TBCK: variants seen among roughly 807,000 people sequenced by gnomAD.
The protein encoded by TBCK is TBC domain-containing protein kinase-like protein.
TBCK carries 99 observed loss-of-function variants against 113.4 expected under a neutral mutation model. The observed-to-expected ratio is 0.87, with a 90% confidence interval of 0.74 to 1.03. The LOEUF (loss-of-function observed/expected upper bound fraction) is 1.03. Among genes scored for constraint, TBCK ranks in the 50% least tolerant of loss-of-function variants. TBCK has a pLI of 0.00. For missense variants in TBCK, 1,045 were observed against 1,061.3 expected (o/e 0.98, Z 0.21); for synonymous variants, 369 against 370.8 (o/e 1.00, Z 0.05).
At chr4:106,243,028 C>G (rs1412525810) in intron 11 of TBCK, among the ~76,000 whole-genome samples, 1 of 151,964 alleles carries the variant, frequency 6.6e-6, no homozygotes, top group African/African-American at 2.4e-5. Flanking sequence ...CATGTCCCTA[C>G]AAAGGACATG....
rs979612698 is a variant in TBCK, at chr4:106,288,004, TAA to T, written c.266+7088_266+7089del. On this transcript the variant is annotated intron_variant, in intron 3 of 25. Transcript: ENST00000394708. ...CTCTTTCTTCTAAAAACCAAAAAAT[TAA>T]AAAAGTCAGTGGCTCAAACATCTTC... Among the ~76,000 whole-genome samples, 2 of 150,996 alleles carry T rather than the reference TAA, an allele frequency of 1.3e-5. 1 individual carries two copies. The highest frequency in any genetic ancestry group is 4.2e-4 in the South Asian group (2 of 4,766).
At chr4:106,272,270 C>T (rs966762419) in intron 3 of TBCK, among the ~76,000 whole-genome samples, 1 of 152,050 alleles carries the variant, frequency 6.6e-6, no homozygotes, top group Non-Finnish European at 1.5e-5. Context: ...ATATAACATG[C>T]TTATAGAGCC....
intron 10 of TBCK, among the ~76,000 whole-genome samples, chr4:106,245,818 A>G (rs76555192): frequency 0.014 from 2,164 of 152,290 alleles, 23 homozygotes; most frequent in Non-Finnish European, 0.024. Flanking sequence ...CCTATGCTGC[A>G]GTACCTTTCT....
chr4:106,246,257 A>G (rs770201611), intron 10 of TBCK, among the ~76,000 whole-genome samples: 8 of 152,174 alleles, frequency 5.3e-5, no homozygotes, highest in Non-Finnish European at 1.2e-4. Context: ...AATGTTACTT[A>G]AAGATACAGT....
chr4:106,113,334 G>A (rs1172370234), intron 24 of TBCK, among the ~76,000 whole-genome samples: 1 of 152,104 alleles, frequency 6.6e-6, no homozygotes, highest in Non-Finnish European at 1.5e-5. Context: ...TATGAGTAAG[G>A]ACCCTGCAAC....
chr4:106,153,895 C>T (rs563105746), intron 23 of TBCK, among the ~76,000 whole-genome samples: 5 of 151,546 alleles, frequency 3.3e-5, no homozygotes, highest in Admixed American at 1.3e-4. Flanking sequence ...TTTTTGGTTT[C>T]CATTGGCATG....
intron 3 of TBCK, among the ~76,000 whole-genome samples, chr4:106,286,977 G>A (rs1052906166): frequency 2.0e-5 from 3 of 152,044 alleles, no homozygotes; most frequent in Non-Finnish European, 2.9e-5. Context: ...AACTTCTTTC[G>A]CCTCAGTTCC....
intron 19 of TBCK, among the ~76,000 whole-genome samples, chr4:106,217,282 G>A (rs1430409528): frequency 2.0e-5 from 3 of 152,078 alleles, no homozygotes; most frequent in African/African-American, 7.2e-5. Context: ...GCAAAAACTG[G>A]AAGCATTCCC....
intron 22 of TBCK, among the ~76,000 whole-genome samples, chr4:106,174,084 G>T (rs1751342334): frequency 6.6e-6 from 1 of 152,032 alleles, no homozygotes; most frequent in Non-Finnish European, 1.5e-5. Flanking sequence ...AGGATAGATG[G>T]AAAAGACAGC....
At chr4:106,212,023 CA>C (rs1756196306) in intron 20 of TBCK, among the ~76,000 whole-genome samples, 1 of 152,010 alleles carries the variant, frequency 6.6e-6, no homozygotes, top group African/African-American at 2.4e-5. Context: ...AATACATTCA[CA>C]GTGTTAAAAA....
At chr4:106,294,054 T>C (rs1766001728) in intron 3 of TBCK, among the ~76,000 whole-genome samples, 2 of 152,230 alleles carry the variant, frequency 1.3e-5, no homozygotes, top group South Asian at 4.1e-4. Flanking sequence ...GCATTTAAAC[T>C]GTATCATTAA....
At chr4:106,252,769 C>A (rs1422104097) in intron 5 of TBCK, among the ~76,000 whole-genome samples, 1 of 151,984 alleles carries the variant, frequency 6.6e-6, no homozygotes, top group Non-Finnish European at 1.5e-5. Context: ...CAGATATATT[C>A]TTAGAAGTGG....
Position 106,095,478 on chromosome 4 carries a change from T to G in TBCK, c.2571+4A>C. The G allele has an allele frequency of 6.2e-7, 1 of 1,612,342 alleles. No homozygotes were observed. The highest frequency in any genetic ancestry group is 8.5e-7 in the Non-Finnish European group (1 of 1,179,214). ...GTACATATGACATTTCTGAATATACTTACCTCAGCTGTGTGTTTTGCCACA... is the reference window on the plus strand; with the variant it reads ...GTACATATGACATTTCTGAATATACGTACCTCAGCTGTGTGTTTTGCCACA... On this transcript the variant is annotated splice_donor_region_variant and intron_variant, in intron 25 of 25. Coordinates refer to ENST00000394708, the MANE Select transcript of TBCK (RefSeq NM_001163435.3).
At chr4:106,096,888 G>A (rs1740981546) in intron 24 of TBCK, among the ~76,000 whole-genome samples, 1 of 152,126 alleles carries the variant, frequency 6.6e-6, no homozygotes, top group South Asian at 2.1e-4. Flanking sequence ...TAGAAAATTA[G>A]AAGACCCTGA....
intron 3 of TBCK, among the ~76,000 whole-genome samples, chr4:106,264,194 G>A (rs1762760835): frequency 6.6e-6 from 1 of 151,796 alleles, no homozygotes; most frequent in African/African-American, 2.4e-5. Context: ...TTTCTGGAAG[G>A]TGAAACAAAT....
intron 12 of TBCK, among the ~76,000 whole-genome samples, chr4:106,239,509 G>T (rs1759848410): frequency 6.6e-6 from 1 of 151,954 alleles, no homozygotes; most frequent in Non-Finnish European, 1.5e-5. Context: ...AGAATACAAG[G>T]GATAGGTGTG....
Position 106,046,304 on chromosome 4 carries a change from C to A in TBCK, c.*266G>T. ...TAAATCTGTCTTGTCAGCTGAATTT[C>A]TTGGGCTTTATGTGGCAGTGTGGTA... On this transcript the variant is annotated 3_prime_UTR_variant, in exon 26 of 26. Coordinates refer to ENST00000394708, the MANE Select transcript of TBCK (RefSeq NM_001163435.3). The A allele has an allele frequency of 3.4e-6, 1 of 297,232 alleles. No individual in the cohort carries two copies. The highest frequency in any genetic ancestry group is 6.2e-6 in the Non-Finnish European group (1 of 160,306). 18.4% of individuals were successfully genotyped at this position (297,232 alleles called of 1,614,324 possible). A position where few individuals can be genotyped will look rare whatever the true frequency, so the allele number is the denominator to read the frequency against.
chr4:106,095,439 A>G (rs1164570385), intron 25 of TBCK, 43 bp downstream of exon 25: 3 of 1,541,160 alleles, frequency 1.9e-6, no homozygotes, highest in Non-Finnish European at 2.6e-6. Flanking sequence ...AGGCAGGTAA[A>G]TCACTCATCA....
chr4:106,087,633 A>T (rs1468001996), intron 25 of TBCK, among the ~76,000 whole-genome samples: 2 of 152,222 alleles, frequency 1.3e-5, no homozygotes, highest in African/African-American at 4.8e-5. Context: ...AGACAATCCT[A>T]AGCAAACAAG....
Sources: allele counts gnomAD v4.1 joint callset (sites outside exome capture counted in the v4.1 genomes callset), GRCh38; gene constraint gnomAD v4.1.1; transcripts MANE v1.5; gene names NCBI Gene and HGNC (gene_info 2026-07-23, HGNC 2026-07-21).